STRA6: variants seen among roughly 807,000 people sequenced by gnomAD.
STRA6 encodes signaling receptor and transporter of retinol STRA6.
STRA6 carries 48 observed loss-of-function variants against 83.6 expected under a neutral mutation model. The ratio of observed to expected loss-of-function variants is 0.57; its 90% CI spans 0.46 to 0.73. STRA6 has a LOEUF of 0.73. STRA6 is among the 30% of genes least tolerant of loss of function. STRA6 has a pLI of 0.00. For missense variants in STRA6, 760 were observed against 838.8 expected (o/e 0.91, Z 1.16); for synonymous variants, 353 against 362.3 (o/e 0.97, Z 0.29).
intron 13 of STRA6, 51 bp from the exon 14 acceptor site, chr15:74,184,040 C>G (rs761065152): frequency 1.2e-6 from 2 of 1,605,720 alleles, no homozygotes; most frequent in South Asian, 2.2e-5. Flanking sequence ...CACACTCTTC[C>G]TAAATCCTCC....
At position 74,180,068 on chromosome 15, in the gene STRA6, C is replaced by A; in HGVS notation, c.*12G>T. 1 of 1,610,612 alleles carries A rather than the reference C, an allele frequency of 6.2e-7. No individual in the cohort carries two copies. The highest frequency in any genetic ancestry group is 1.1e-5 in the South Asian group (1 of 90,956). On this transcript the variant is annotated 3_prime_UTR_variant, in exon 19 of 19. Coordinates refer to ENST00000395105, the MANE Select transcript of STRA6 (RefSeq NM_022369.4). ...CAGCACAGATGGGCAGGTGGGTTGA[C>A]CTTCCCTGCCCTCAGGGCTGGGCAC...
chr15:74,197,879 G>A, intron 2 of STRA6, 61 bp from the exon 3 acceptor site: 2 of 1,568,788 alleles, frequency 1.3e-6, no homozygotes, highest in Non-Finnish European at 1.7e-6. Context: ...GTGCAGATGG[G>A]TCTGGGGTTC....
intron 2 of STRA6, among the ~76,000 whole-genome samples, chr15:74,201,179 T>A (rs1273740929): frequency 1.3e-5 from 2 of 152,084 alleles, no homozygotes; most frequent in South Asian, 2.1e-4. Context: ...GGAGCCTCTG[T>A]CCCTGCTGGA....
rs995855322 is a variant in STRA6 at position 74,190,712 on chromosome 15, G to A, written c.927+128C>T. The A allele has an allele frequency of 3.6e-6, 5 of 1,391,570 alleles. No individual in the cohort carries two copies. The African/African-American group carries it at 7.1e-5, about 20-fold the overall frequency. The allele number at this position is 1,391,570 out of a possible 1,614,324, so 86.2% of individuals were successfully genotyped here. A position where few individuals can be genotyped will look rare whatever the true frequency, so the allele number is the denominator to read the frequency against. ...TGGGTAGGCCAGAACTCCCAAGATG[G>A]CCTGCAGCACCTGGTCAGGGTTCTG... On this transcript the variant is annotated intron_variant, in intron 11 of 18. Coordinates refer to ENST00000395105, the MANE Select transcript of STRA6 (RefSeq NM_022369.4).
chr15:74,202,495 T>C, intron 1 of STRA6: 1 of 1,531,760 alleles, frequency 6.5e-7, no homozygotes, highest in Middle Eastern at 1.7e-4. Flanking sequence ...GGGCCTCTCG[T>C]GTCCCCTCCT....
chr15:74,191,339 C>A, intron 9 of STRA6, 85 bp downstream of exon 9: 1 of 1,606,264 alleles, frequency 6.2e-7, no homozygotes, highest in Non-Finnish European at 8.5e-7. Context: ...TCTGCCCCTG[C>A]CATGCTGCCC....
intron 11 of STRA6, among the ~76,000 whole-genome samples, chr15:74,190,084 G>A (rs2073456366): frequency 6.6e-6 from 1 of 152,194 alleles, no homozygotes; most frequent in Non-Finnish European, 1.5e-5. Context: ...TCAGAAATTT[G>A]AGCCTTTGGA....
chr15:74,211,367 GTC>G (rs2074366231), upstream of STRA6, among the ~76,000 whole-genome samples: 2 of 149,902 alleles, frequency 1.3e-5, no homozygotes, highest in South Asian at 2.1e-4. Context: ...CTACTGCTGG[GTC>G]TCTCTGTCAA....
chr15:74,209,418 GA>G (rs2074333678), upstream of STRA6: 2 of 1,535,614 alleles, frequency 1.3e-6, no homozygotes, highest in East Asian at 4.9e-5. Flanking sequence ...TGCCAGAGGG[GA>G]ACCACCAGCT....
At chr15:74,194,231 T>C (rs1016793720) in intron 7 of STRA6, among the ~76,000 whole-genome samples, 1 of 152,238 alleles carries the variant, frequency 6.6e-6, no homozygotes, top group Non-Finnish European at 1.5e-5. Context: ...TTTCTGTTTC[T>C]GTGTTCCCGG....
At position 74,190,683 on chromosome 15, in the gene STRA6, CT is replaced by C. The variant is rs559311017; in HGVS notation, c.927+156del. ...GAGTCCAAGAGTGAACACCCCGGCC[CT>C]TCTGGGTAGGCCAGAACTCCCAAGA... On this transcript the variant is annotated intron_variant, in intron 11 of 18. Transcript: ENST00000395105. 9.1e-4 allele frequency among the ~76,000 whole-genome samples: 139 copies of C among 152,250 alleles called. 3 individuals are homozygous for C. Among genetic ancestry groups the C allele is most frequent in the Admixed American group, 8.9e-3 (136 of 15,296 alleles).
chr15:74,207,876 T>A (rs1219310964), intron 1 of STRA6: 1 of 1,512,270 alleles, frequency 6.6e-7, no homozygotes, highest in African/African-American at 1.4e-5. Flanking sequence ...CTCCACACAG[T>A]GGGCTGGAAG....
At chr15:74,199,821 G>T (rs1349647741) in intron 2 of STRA6, among the ~76,000 whole-genome samples, 3 of 152,248 alleles carry the variant, frequency 2.0e-5, no homozygotes, top group African/African-American at 7.2e-5. Context: ...AGACCTTGGA[G>T]AGGGTGGTGA....
At chr15:74,183,302 G>A in intron 14 of STRA6, 1 of 195,178 alleles carries the variant, frequency 5.1e-6, no homozygotes, top group Non-Finnish European at 1.1e-5. Context: ...CTGGAGCGCA[G>A]TGGTGCAATC....
intron 8 of STRA6, among the ~76,000 whole-genome samples, chr15:74,192,359 T>C (rs918896325): frequency 6.6e-6 from 1 of 152,116 alleles, no homozygotes; most frequent in Non-Finnish European, 1.5e-5. Flanking sequence ...TCGAGGGGTG[T>C]TGGCCTCAAT....
At chr15:74,204,078 G>A (rs901468435), upstream of STRA6, among the ~76,000 whole-genome samples, 1 of 152,178 alleles carries the variant, frequency 6.6e-6, no homozygotes, top group African/African-American at 2.4e-5. Context: ...CTTCCCAAAT[G>A]GCCCTTCTTG....
At chr15:74,199,020 T>G (rs1193831682) in intron 2 of STRA6, among the ~76,000 whole-genome samples, 1 of 151,930 alleles carries the variant, frequency 6.6e-6, no homozygotes, top group East Asian at 1.9e-4. Flanking sequence ...GAGCTCCGGG[T>G]TTTCCCAGCT....
Position 74,202,407 on chromosome 15 carries a change from T to C in STRA6, c.-15-125A>G, listed in dbSNP as rs959720071. 2.6e-6 allele frequency: 4 copies of C among 1,539,338 alleles called. No individual in the cohort carries two copies. In the African/African-American group the frequency reaches 5.5e-5, roughly 21 times the overall value. On this transcript the variant is annotated intron_variant, in intron 1 of 18. Transcript: ENST00000395105. ...AACATTTCTCTTTAATCCTGAAGGT[T>C]ACTTTCTTACTTTTAGCTCTCTGGG...
rs552301517 is a variant in STRA6, at chr15:74,181,017, C to T, written c.1685-80G>A. On this transcript the variant is annotated intron_variant, in intron 17 of 18. Transcript: ENST00000395105. ...ATCCAGACATCCCCTAACACACACA[C>T]AGGGAGTGCACGTGCACTCCCTGCA... The T allele has an allele frequency of 1.9e-3, 2,971 of 1,572,486 alleles. 6 individuals are homozygous for T. The highest frequency in any genetic ancestry group is 2.5e-3 in the Non-Finnish European group (2,860 of 1,151,706).
Sources: allele counts gnomAD v4.1 joint callset (sites outside exome capture counted in the v4.1 genomes callset), GRCh38; gene constraint gnomAD v4.1.1; transcripts MANE v1.5; gene names NCBI Gene and HGNC (gene_info 2026-07-23, HGNC 2026-07-21).